STAC: variants seen among roughly 807,000 people sequenced by gnomAD.
The protein encoded by STAC is SH3 and cysteine rich domain.
A neutral mutation model predicts 48.8 loss-of-function variants in STAC; 43 were observed. The observed-to-expected ratio is 0.88, with a 90% CI of 0.69 to 1.14. The LOEUF (loss-of-function observed/expected upper bound fraction) is 1.14, where lower values mean the gene tolerates loss of function less well. Among genes scored for constraint, STAC ranks in the 50% most tolerant of loss-of-function variants. STAC has a pLI of 0.00. For missense variants in STAC, 497 were observed against 504.0 expected (o/e 0.99, Z 0.13); for synonymous variants, 193 against 179.5 (o/e 1.07, Z -0.60).
intron 1 of STAC, among the ~76,000 whole-genome samples, chr3:36,422,845 G>A (rs116657619): frequency 0.018 from 2,746 of 152,182 alleles, 51 homozygotes; most frequent in Non-Finnish European, 0.025. Flanking sequence ...TGGTATTTGT[G>A]TATGCAAATA....
intron 10 of STAC, among the ~76,000 whole-genome samples, chr3:36,538,823 A>C (rs2125502496): frequency 6.6e-6 from 1 of 152,250 alleles, no homozygotes; most frequent in Admixed American, 6.5e-5. Flanking sequence ...CCATTTTCTT[A>C]CATTATTTAA....
chr3:36,426,685 C>CA (rs145398840), intron 1 of STAC, among the ~76,000 whole-genome samples: 3,541 of 152,120 alleles, frequency 0.023, 61 homozygotes, highest in East Asian at 0.026. Context: ...GTTCTAACCC[C>CA]CTACTAATTT....
intron 2 of STAC, among the ~76,000 whole-genome samples, chr3:36,450,207 C>T (rs142185749): frequency 1.3e-3 from 191 of 152,264 alleles, no homozygotes; most frequent in African/African-American, 4.4e-3. Flanking sequence ...ATACACCTGG[C>T]ACACAGTGAT....
intron 2 of STAC, among the ~76,000 whole-genome samples, chr3:36,458,921 G>A (rs1696925538): frequency 6.6e-6 from 1 of 152,168 alleles, no homozygotes. Flanking sequence ...AGTGGATCTG[G>A]TTAGGCCCTG....
chr3:36,499,155 A>G (rs1321443883), intron 6 of STAC, among the ~76,000 whole-genome samples: 1 of 152,220 alleles, frequency 6.6e-6, no homozygotes, highest in East Asian at 1.9e-4. Flanking sequence ...ACATTTTAAA[A>G]AGATGTACTT....
At chr3:36,492,031 A>AAAAAAAAAAAAT (rs1553639882) in intron 5 of STAC, among the ~76,000 whole-genome samples, 1 of 16,440 alleles carries the variant, frequency 6.1e-5, no homozygotes, top group Admixed American at 1.1e-3. Context: ...AAAAAAAAAA[A>AAAAAAAAAAAAT]ATATATATAT....
At position 36,544,656 on chromosome 3, in the gene STAC, C is replaced by T. The variant is rs193108838; in HGVS notation, c.1111-1535C>T. Among the ~76,000 whole-genome samples the T allele has an allele frequency of 2.8e-3, 419 of 152,196 alleles. 1 individual carries two copies. The highest frequency in any genetic ancestry group is 5.1e-3 in the Non-Finnish European group (348 of 68,020). On this transcript the variant is annotated intron_variant, in intron 10 of 10. Transcript: ENST00000273183. ...ATTTATTTATTTTATACTCTAAGTT[C>T]TGGGATGCGCTTGCAGAACGTGCAC...
At chr3:36,542,746 A>G (rs1239495017) in intron 10 of STAC, among the ~76,000 whole-genome samples, 1 of 152,242 alleles carries the variant, frequency 6.6e-6, no homozygotes, top group Non-Finnish European at 1.5e-5. Flanking sequence ...CAGGACAATC[A>G]GCCATCAAAA....
chr3:36,442,358 A>G (rs1260385046), intron 1 of STAC, among the ~76,000 whole-genome samples: 1 of 152,222 alleles, frequency 6.6e-6, no homozygotes, highest in Non-Finnish European at 1.5e-5. Context: ...TCAATTACAA[A>G]AAGAAACCAC....
At chr3:36,471,312 C>T (rs1038836066) in intron 2 of STAC, among the ~76,000 whole-genome samples, 2 of 152,270 alleles carry the variant, frequency 1.3e-5, no homozygotes, top group Middle Eastern at 3.4e-3. Flanking sequence ...CTTGGTCCCT[C>T]CCACAACACA....
At chr3:36,472,409 G>A (rs531651636) in intron 2 of STAC, among the ~76,000 whole-genome samples, 1 of 152,340 alleles carries the variant, frequency 6.6e-6, no homozygotes, top group Non-Finnish European at 1.5e-5. Context: ...TTAACACTGG[G>A]ATCCTTGCTA....
intron 2 of STAC, among the ~76,000 whole-genome samples, chr3:36,444,518 C>T (rs17246780): frequency 0.06 from 9,117 of 152,284 alleles, 361 homozygotes; most frequent in Middle Eastern, 0.095. Flanking sequence ...CTTCTCATGG[C>T]GAGGACAACT....
intron 1 of STAC, among the ~76,000 whole-genome samples, chr3:36,407,731 T>A (rs940465460): frequency 6.6e-6 from 1 of 152,238 alleles, no homozygotes; most frequent in African/African-American, 2.4e-5. Flanking sequence ...GTGGGTGTAT[T>A]AATTTTCTAT....
At chr3:36,519,375 G>A (rs192393151) in intron 8 of STAC, among the ~76,000 whole-genome samples, 237 of 152,278 alleles carry the variant, frequency 1.6e-3, no homozygotes, top group Middle Eastern at 0.01. Flanking sequence ...TGGAGGTGAG[G>A]TAGGAGAACC....
intron 6 of STAC, among the ~76,000 whole-genome samples, chr3:36,502,303 G>A (rs1209327824): frequency 1.3e-5 from 2 of 152,106 alleles, no homozygotes. Context: ...AAAATAAAAG[G>A]TGTATGATAT....
Position 36,547,548 on chromosome 3 carries a change from A to G in STAC, c.*1259A>G, listed in dbSNP as rs3772105. 15,664 of 152,626 alleles carry G rather than the reference A, an allele frequency of 0.1. 1,035 individuals are homozygous for G. Among genetic ancestry groups the G allele is most frequent in the East Asian group, 0.27 (1,399 of 5,174 alleles). 9.5% of individuals were successfully genotyped at this position (152,626 alleles called of 1,614,324 possible). A position where few individuals can be genotyped will look rare whatever the true frequency, so the allele number is the denominator to read the frequency against. On this transcript the variant is annotated 3_prime_UTR_variant, in exon 11 of 11. Transcript: ENST00000273183. ...AACTTCCATCCTATTAGTCATTAAC[A>G]TGGTTAAACTTCAATTCACAATCAC...
intron 2 of STAC, among the ~76,000 whole-genome samples, chr3:36,450,760 G>T (rs1023496020): frequency 4.6e-5 from 7 of 152,098 alleles, no homozygotes; most frequent in African/African-American, 7.2e-5. Context: ...CCCAAATTCG[G>T]GTGATCCACC....
intron 10 of STAC, among the ~76,000 whole-genome samples, chr3:36,536,114 G>A (rs943325608): frequency 6.6e-6 from 1 of 151,962 alleles, no homozygotes; most frequent in South Asian, 2.1e-4. Context: ...TTTTTTGGTT[G>A]GTAGGCTATT....
At position 36,499,382 on chromosome 3, in the gene STAC, T is replaced by C. The variant is rs116585629; in HGVS notation, c.767-5011T>C. On this transcript the variant is annotated intron_variant, in intron 6 of 10. Coordinates refer to ENST00000273183, the MANE Select transcript of STAC (RefSeq NM_003149.3). ...ATGTATTGCTTGGGAGGCGATTAAATATACTATTTCACTTTCTATTTTGTT... is the reference window on the plus strand; with the variant it reads ...ATGTATTGCTTGGGAGGCGATTAAACATACTATTTCACTTTCTATTTTGTT... Among the ~76,000 whole-genome samples the C allele has an allele frequency of 6.9e-3, 1,046 of 152,252 alleles. 11 individuals are homozygous for C. Among genetic ancestry groups the C allele is most frequent in the African/African-American group, 0.024 (995 of 41,540 alleles).
Sources: gnomAD v4.1 joint callset for allele counts (sites outside exome capture counted in the v4.1 genomes callset) on GRCh38, gnomAD v4.1.1 for gene constraint, MANE v1.5 for transcripts, NCBI Gene and HGNC (gene_info 2026-07-23, HGNC 2026-07-21) for gene names.